The following ITGA2 variants were observed in gnomAD, a reference collection of about 807,000 sequenced individuals.
The protein encoded by ITGA2 is integrin subunit alpha 2, also known as integrin alpha-2.
A neutral mutation model predicts 146.3 loss-of-function variants in ITGA2; 101 were observed. The ratio of observed to expected loss-of-function variants is 0.69; its 90% CI spans 0.59 to 0.81. ITGA2 has a LOEUF of 0.81. ITGA2 is among the 40% of genes least tolerant of loss of function. ITGA2 has a pLI of 0.00. For missense variants in ITGA2, 1,281 were observed against 1,402.7 expected (o/e 0.91, Z 1.39); for synonymous variants, 477 against 487.1 (o/e 0.98, Z 0.27).
intron 1 of ITGA2, among the ~76,000 whole-genome samples, chr5:52,992,446 C>G (rs992644470): frequency 6.6e-6 from 1 of 152,156 alleles, no homozygotes; most frequent in Non-Finnish European, 1.5e-5. Flanking sequence ...AAGCCAGATT[C>G]AACATTTCCA....
intron 6 of ITGA2, 47 bp from the exon 7 acceptor site, chr5:53,051,364 T>G (rs771404872): frequency 6.3e-7 from 1 of 1,588,612 alleles, no homozygotes; most frequent in African/African-American, 1.3e-5. Flanking sequence ...GTAGAAATTA[T>G]TTTTAATGTA....
chr5:53,004,458 TTTATCA>T (rs1286398150), intron 1 of ITGA2, among the ~76,000 whole-genome samples: 1 of 152,172 alleles, frequency 6.6e-6, no homozygotes, highest in Non-Finnish European at 1.5e-5. Context: ...TGCATCCATT[TTTATCA>T]TCATTCATTT....
chr5:53,077,346 A>G (rs1398449247), intron 23 of ITGA2, among the ~76,000 whole-genome samples: 1 of 152,086 alleles, frequency 6.6e-6, no homozygotes, highest in Non-Finnish European at 1.5e-5. Flanking sequence ...TTTCTTAGCA[A>G]CAACTTTGAT....
chr5:53,030,161 A>G (rs956749101), intron 2 of ITGA2, among the ~76,000 whole-genome samples: 6 of 152,246 alleles, frequency 3.9e-5, no homozygotes, highest in Non-Finnish European at 8.8e-5. Flanking sequence ...TTCTGGGAAC[A>G]TGAGAGGCAG....
chr5:53,051,700 A>G (rs982378589), intron 7 of ITGA2, 141 bp downstream of exon 7: 22 of 857,422 alleles, frequency 2.6e-5, no homozygotes, highest in Admixed American at 1.5e-4. Context: ...AAAGAAAAAA[A>G]CATCAGAGCA....
chr5:53,085,293 T>G (rs1227853566), intron 27 of ITGA2, among the ~76,000 whole-genome samples: 1 of 152,066 alleles, frequency 6.6e-6, no homozygotes, highest in Non-Finnish European at 1.5e-5. Flanking sequence ...TGATCAGGGC[T>G]CCAAATTGAT....
chr5:53,079,385 T>A (rs1266102682), intron 24 of ITGA2, among the ~76,000 whole-genome samples: 1 of 152,144 alleles, frequency 6.6e-6, no homozygotes, highest in Non-Finnish European at 1.5e-5. Context: ...TATACAAATC[T>A]GTACAGTAAT....
intron 2 of ITGA2, among the ~76,000 whole-genome samples, chr5:53,035,203 C>T (rs929211511): frequency 1.3e-5 from 2 of 152,180 alleles, no homozygotes; most frequent in African/African-American, 2.4e-5. Context: ...AAAATTATCC[C>T]CCTCTCTCCC....
chr5:53,072,000 C>T lies in ITGA2; in HGVS notation c.2298C>T (p.Gly766=), dbSNP rs1201782361. 26 of 1,612,206 alleles carry T rather than the reference C, an allele frequency of 1.6e-5. No homozygotes were observed. Among genetic ancestry groups the T allele is most frequent in the Non-Finnish European group, 1.9e-5 (22 of 1,178,926 alleles). The change falls in exon 18 of 30, where the codon GGC becomes GGT. Residue 766 remains glycine, a synonymous_variant. Transcript: ENST00000296585. The part of the protein sequence containing the change: ...LRVDISLENP[G]TSPALEAYSE... ...TGGACATCAGTCTGGAAAACCCTGG[C>T]ACTAGCCCTGCCCTTGAAGCCTATT... is the stretch of plus-strand genomic sequence containing the variant.
chr5:53,068,184 AATAAG>A (rs1207018147), intron 16 of ITGA2, among the ~76,000 whole-genome samples: 1 of 151,916 alleles, frequency 6.6e-6, no homozygotes, highest in Admixed American at 6.6e-5. Context: ...CCAAGATACA[AATAAG>A]ATGAGAACAC....
chr5:53,014,954 A>C (rs1742330496), intron 1 of ITGA2, among the ~76,000 whole-genome samples: 1 of 151,572 alleles, frequency 6.6e-6, no homozygotes, highest in Non-Finnish European at 1.5e-5. Flanking sequence ...CCCCTTTGTC[A>C]TTTCTGATTG....
At chr5:53,021,611 C>T (rs961933580) in intron 1 of ITGA2, among the ~76,000 whole-genome samples, 1 of 152,214 alleles carries the variant, frequency 6.6e-6, no homozygotes, top group Non-Finnish European at 1.5e-5. Context: ...TATCCTCTGC[C>T]CTCTTCCCTG....
At chr5:53,014,993 T>C (rs1742331870) in intron 1 of ITGA2, among the ~76,000 whole-genome samples, 1 of 152,112 alleles carries the variant, frequency 6.6e-6, no homozygotes, top group Admixed American at 6.6e-5. Flanking sequence ...CTCTTTTTCT[T>C]TATTAGTCTA....
chr5:52,989,814 G>GCACACACA (rs35389760), intron 1 of ITGA2, among the ~76,000 whole-genome samples: 2,981 of 145,918 alleles, frequency 0.02, 59 homozygotes, highest in South Asian at 0.097. Context: ...GTACACACAC[G>GCACACACA]CACACACACA....
At chr5:53,084,276 T>C (rs1021565817) in intron 27 of ITGA2, among the ~76,000 whole-genome samples, 1 of 150,620 alleles carries the variant, frequency 6.6e-6, no homozygotes, top group Admixed American at 6.7e-5. Flanking sequence ...CTGGGGATCT[T>C]TGTAGCTCTT....
chr5:53,080,408 T>G, intron 24 of ITGA2, 103 bp from the exon 25 acceptor site: 1 of 863,054 alleles, frequency 1.2e-6, no homozygotes, highest in Non-Finnish European at 2.0e-6. Context: ...GGACTCAGTC[T>G]TACCACCTCG....
chr5:53,084,223 G>A (rs1382800773), intron 27 of ITGA2, among the ~76,000 whole-genome samples: 2 of 152,036 alleles, frequency 1.3e-5, no homozygotes, highest in Admixed American at 1.3e-4. Flanking sequence ...TACTGACATG[G>A]GCTCCAATTG....
intron 6 of ITGA2, among the ~76,000 whole-genome samples, chr5:53,050,454 T>C (rs1039986889): frequency 6.6e-5 from 10 of 152,172 alleles, no homozygotes; most frequent in African/African-American, 2.2e-4. Context: ...CTTACATCCC[T>C]AGAGAAAGGG....
intron 4 of ITGA2, among the ~76,000 whole-genome samples, chr5:53,047,190 A>G (rs1169073298): frequency 6.6e-6 from 1 of 152,124 alleles, no homozygotes; most frequent in East Asian, 1.9e-4. Flanking sequence ...TTATTTTTCC[A>G]ATTACTTCTT....
Sources: gnomAD v4.1 joint callset for allele counts (sites outside exome capture counted in the v4.1 genomes callset) on GRCh38, gnomAD v4.1.1 for gene constraint, MANE v1.5 for transcripts, NCBI Gene and HGNC (gene_info 2026-07-23, HGNC 2026-07-21) for gene names.